Variants in NRXN1 observed in about 807,000 individuals in gnomAD.
NRXN1 encodes neurexin-1.
In NRXN1, 39 loss-of-function variants were observed where a neutral mutation model predicts 150.9. The observed-to-expected ratio is 0.26, with a 90% CI of 0.20 to 0.34. The LOEUF (loss-of-function observed/expected upper bound fraction) is 0.34, where lower values mean the gene tolerates loss of function less well. Ranked by LOEUF, NRXN1 falls within the 10% of genes least tolerant of loss-of-function variation. The pLI is 1.00. For missense variants in NRXN1, 1,815 were observed against 1,949.9 expected (o/e 0.93, Z 1.30); for synonymous variants, 924 against 757.0 (o/e 1.22, Z -3.62).
At chr2:49,955,766 A>G (rs948824518) in intron 21 of NRXN1, among the ~76,000 whole-genome samples, 1 of 152,138 alleles carries the variant, frequency 6.6e-6, no homozygotes, top group Non-Finnish European at 1.5e-5. Context: ...TAACTACAGG[A>G]TGAAAGCTTT....
intron 21 of NRXN1, among the ~76,000 whole-genome samples, chr2:50,048,456 A>T (rs1692182186): frequency 6.6e-6 from 1 of 152,152 alleles, no homozygotes; most frequent in Non-Finnish European, 1.5e-5. Context: ...TTTTAATAAA[A>T]ATAAAATTTT....
chr2:50,830,372 C>T (rs1365929747), intron 5 of NRXN1, among the ~76,000 whole-genome samples: 3 of 151,844 alleles, frequency 2.0e-5, no homozygotes, highest in Non-Finnish European at 2.9e-5. Context: ...ATCCACATGC[C>T]GACATGACAC....
At chr2:50,459,944 A>T (rs578113123) in intron 17 of NRXN1, among the ~76,000 whole-genome samples, 1 of 152,202 alleles carries the variant, frequency 6.6e-6, no homozygotes, top group Admixed American at 6.5e-5. Flanking sequence ...GTTGCTACAG[A>T]TGGAAGTAAC....
At chr2:50,248,189 T>C (rs765839164) in intron 17 of NRXN1, among the ~76,000 whole-genome samples, 3 of 152,042 alleles carry the variant, frequency 2.0e-5, no homozygotes, top group Admixed American at 1.3e-4. Context: ...AATTTTTTAA[T>C]ATTTTCTTAG....
chr2:49,974,256 G>C, intron 21 of NRXN1: 1 of 632,336 alleles, frequency 1.6e-6, no homozygotes, highest in Admixed American at 2.1e-5. Flanking sequence ...CACTACGGCA[G>C]GAAGGGATGC....
At chr2:50,830,335 G>T (rs1559324834) in intron 5 of NRXN1, among the ~76,000 whole-genome samples, 3 of 152,026 alleles carry the variant, frequency 2.0e-5, no homozygotes. Context: ...CAAGCCCCAT[G>T]TTCACTTTTG....
At chr2:50,604,768 T>G (rs1468930118) in intron 8 of NRXN1, among the ~76,000 whole-genome samples, 1 of 152,200 alleles carries the variant, frequency 6.6e-6, no homozygotes, top group Non-Finnish European at 1.5e-5. Flanking sequence ...ATAGAACCTG[T>G]TTCATTTGAA....
chr2:50,660,362 T>G (rs544327885), intron 5 of NRXN1, among the ~76,000 whole-genome samples: 1 of 152,108 alleles, frequency 6.6e-6, no homozygotes, highest in South Asian at 2.1e-4. Context: ...GTTGCCTGCC[T>G]TCACCCAAAA....
rs115351679 is a variant in NRXN1 at position 50,586,447 on chromosome 2, G to T, written c.1321-33422C>A. On this transcript the variant is annotated intron_variant, in intron 8 of 22. Coordinates refer to ENST00000401669, the MANE Select transcript of NRXN1 (RefSeq NM_001330078.2). Reference sequence around the variant, plus strand: ...TATAGTACAAGCTCTATAAAGGTAGGAGTCATTTTCCCTTTTGTTCCCTAT... The same window carrying T: ...TATAGTACAAGCTCTATAAAGGTAGTAGTCATTTTCCCTTTTGTTCCCTAT... Among the ~76,000 whole-genome samples, 1,020 of 152,038 alleles carry T rather than the reference G, an allele frequency of 6.7e-3. 1 individual carries two copies. Among genetic ancestry groups the T allele is most frequent in the Non-Finnish European group, 8.9e-3 (608 of 68,004 alleles).
chr2:50,492,427 T>C (rs528659532), intron 15 of NRXN1, among the ~76,000 whole-genome samples: 1 of 152,308 alleles, frequency 6.6e-6, no homozygotes, highest in South Asian at 2.1e-4. Flanking sequence ...TCGTTTCTAT[T>C]GGAGTCAAGG....
chr2:50,401,540 G>A (rs2082393035), intron 17 of NRXN1, among the ~76,000 whole-genome samples: 1 of 152,016 alleles, frequency 6.6e-6, no homozygotes, highest in South Asian at 2.1e-4. Flanking sequence ...CCCTTCCAAA[G>A]TATGACTAGG....
At position 50,130,705 on chromosome 2, in the gene NRXN1, G is replaced by C. The variant is rs531988615; in HGVS notation, c.3547-39211C>G. On this transcript the variant is annotated intron_variant, in intron 18 of 22. Transcript: ENST00000401669. ...GAAACTCTAGATTAAATAAAGTTCA[G>C]CTTTTATACTGTTTTCATTATTAAC... Among the ~76,000 whole-genome samples, 6 of 152,250 alleles carry C rather than the reference G, an allele frequency of 3.9e-5. No homozygotes were observed. In the South Asian group the frequency reaches 6.2e-4, roughly 16 times the overall value.
At chr2:50,954,755 G>A (rs1311598880) in intron 2 of NRXN1, among the ~76,000 whole-genome samples, 1 of 152,188 alleles carries the variant, frequency 6.6e-6, no homozygotes, top group East Asian at 1.9e-4. Flanking sequence ...CAGAGTTGGA[G>A]TTTCTATGAA....
chr2:50,878,091 G>A (rs1678875129), intron 5 of NRXN1, among the ~76,000 whole-genome samples: 1 of 151,798 alleles, frequency 6.6e-6, no homozygotes, highest in African/African-American at 2.4e-5. Context: ...GCTGTGAGAA[G>A]GAACACATAC....
intron 17 of NRXN1, among the ~76,000 whole-genome samples, chr2:50,329,312 C>T (rs1031053923): frequency 2.2e-4 from 33 of 151,190 alleles, no homozygotes; most frequent in Admixed American, 9.9e-4. Flanking sequence ...GATGTTCAAA[C>T]GCAGTAGAAG....
At chr2:50,846,423 C>CT (rs748583072) in intron 5 of NRXN1, among the ~76,000 whole-genome samples, 36 of 147,578 alleles carry the variant, frequency 2.4e-4, no homozygotes, top group East Asian at 3.9e-4. Flanking sequence ...GCAAGCAAGA[C>CT]TTTTTTTTTT....
intron 5 of NRXN1, among the ~76,000 whole-genome samples, chr2:50,882,219 T>C (rs1574815519): frequency 6.6e-6 from 1 of 151,992 alleles, no homozygotes; most frequent in East Asian, 1.9e-4. Flanking sequence ...GTTACACATA[T>C]ACTTTAAATA....
At chr2:50,788,380 C>T (rs1705442618) in intron 5 of NRXN1, among the ~76,000 whole-genome samples, 2 of 152,084 alleles carry the variant, frequency 1.3e-5, no homozygotes, top group Non-Finnish European at 2.9e-5. Flanking sequence ...AGCCACCGCG[C>T]CCGGCCTCCC....
chr2:50,720,591 G>A (rs1284385619), intron 5 of NRXN1, among the ~76,000 whole-genome samples: 2 of 152,124 alleles, frequency 1.3e-5, no homozygotes, highest in Non-Finnish European at 2.9e-5. Flanking sequence ...ATGGGACTTA[G>A]TGTTTTCCAG....
Sources: gnomAD v4.1 joint callset for allele counts (sites outside exome capture counted in the v4.1 genomes callset) on GRCh38, gnomAD v4.1.1 for gene constraint, MANE v1.5 for transcripts, NCBI Gene and HGNC (gene_info 2026-07-23, HGNC 2026-07-21) for gene names.